ARPP21: variants seen among roughly 807,000 people sequenced by gnomAD.
ARPP21 encodes cAMP-regulated phosphoprotein 21.
Under a neutral mutation model 113.2 loss-of-function variants are expected in ARPP21, and 69 were observed. The observed-to-expected ratio is 0.61, with a 90% confidence interval of 0.50 to 0.74. The LOEUF is 0.74. Ranked by LOEUF, ARPP21 falls within the 30% of genes least tolerant of loss-of-function variation. ARPP21 has a pLI of 0.00. For missense variants in ARPP21, 1,070 were observed against 1,037.4 expected (o/e 1.03, Z -0.43); for synonymous variants, 368 against 375.5 (o/e 0.98, Z 0.23).
At chr3:35,765,347 T>A (rs960130179) in intron 19 of ARPP21, among the ~76,000 whole-genome samples, 2 of 152,114 alleles carry the variant, frequency 1.3e-5, no homozygotes, top group Non-Finnish European at 2.9e-5. Context: ...ATGTCTGAGA[T>A]TGATTCTGAG....
rs1419992077 is a variant in ARPP21 at position 35,655,132 on chromosome 3, G to A, written c.-213+14734G>A. 5.9e-5 allele frequency among the ~76,000 whole-genome samples: 9 copies of A among 151,760 alleles called. No homozygotes were observed. The South Asian group carries it at 8.3e-4, about 14-fold the overall frequency. On this transcript the variant is annotated intron_variant, in intron 1 of 20. Transcript: ENST00000684406. ...CATATGCATTAGCTAGGTTTACTCC[G>A]GTAAGTTTTAACCCATGACAAGGAA... is the stretch of plus-strand genomic sequence containing the variant.
At chr3:35,761,607 A>G (rs1200922148) in intron 19 of ARPP21, among the ~76,000 whole-genome samples, 3 of 152,126 alleles carry the variant, frequency 2.0e-5, no homozygotes, top group Non-Finnish European at 2.9e-5. Flanking sequence ...TTTAAAGGGC[A>G]TATTTCAATA....
chr3:35,782,819 C>T (rs147262767), intron 19 of ARPP21, among the ~76,000 whole-genome samples: 7 of 152,244 alleles, frequency 4.6e-5, no homozygotes, highest in African/African-American at 1.7e-4. Context: ...CCCATCAACC[C>T]TATGCCTCCC....
At position 35,649,857 on chromosome 3, in the gene ARPP21, G is replaced by A. The variant is rs76176962; in HGVS notation, c.-213+9459G>A. ...CTGGACCATTGAGAACTGAATTCAC[G>A]TTTTACCCGATCTATAAAAATAATC... On this transcript the variant is annotated intron_variant, in intron 1 of 20. Transcript: ENST00000684406. 3.8e-3 allele frequency among the ~76,000 whole-genome samples: 572 copies of A among 152,164 alleles called. 6 individuals carry two copies. Among genetic ancestry groups the A allele is most frequent in the African/African-American group, 0.012 (516 of 41,522 alleles).
intron 19 of ARPP21, among the ~76,000 whole-genome samples, chr3:35,783,483 C>T (rs1385782060): frequency 2.6e-5 from 4 of 152,078 alleles, no homozygotes; most frequent in Non-Finnish European, 5.9e-5. Context: ...TGACAGTTCA[C>T]ATCCTACATC....
chr3:35,770,214 T>G (rs1474262571), intron 19 of ARPP21, among the ~76,000 whole-genome samples: 2 of 152,356 alleles, frequency 1.3e-5, no homozygotes, highest in South Asian at 4.1e-4. Context: ...CTAAATTATC[T>G]TATAGAAAGA....
At chr3:35,720,827 T>C (rs929570386) in intron 13 of ARPP21, among the ~76,000 whole-genome samples, 2 of 152,246 alleles carry the variant, frequency 1.3e-5, no homozygotes, top group Non-Finnish European at 2.9e-5. Flanking sequence ...TTACTCTTTT[T>C]TCTATTTGAA....
At chr3:35,771,248 A>T (rs2096188767) in intron 19 of ARPP21, among the ~76,000 whole-genome samples, 1 of 152,018 alleles carries the variant, frequency 6.6e-6, no homozygotes, top group African/African-American at 2.4e-5. Context: ...ATTGGTGACC[A>T]TTGCCTCAGA....
At chr3:35,718,166 G>A (rs913135779) in intron 13 of ARPP21, among the ~76,000 whole-genome samples, 1 of 152,150 alleles carries the variant, frequency 6.6e-6, no homozygotes, top group African/African-American at 2.4e-5. Flanking sequence ...TGAATTGAAT[G>A]TTGAGAAAGT....
At chr3:35,750,145 G>A (rs535153582) in intron 19 of ARPP21, among the ~76,000 whole-genome samples, 139 of 139,992 alleles carry the variant, frequency 9.9e-4, no homozygotes, top group African/African-American at 3.6e-3. Context: ...GGTTTCTTGA[G>A]ATAAGAAGTT....
At chr3:35,714,154 T>A (rs2091954392) in intron 11 of ARPP21, among the ~76,000 whole-genome samples, 1 of 152,242 alleles carries the variant, frequency 6.6e-6, no homozygotes, top group South Asian at 2.1e-4. Context: ...ATTGTCTCTC[T>A]TTGCTTTTTC....
chr3:35,695,549 G>T (rs1397085158), intron 9 of ARPP21, among the ~76,000 whole-genome samples: 2 of 151,502 alleles, frequency 1.3e-5, no homozygotes, highest in Non-Finnish European at 1.5e-5. Flanking sequence ...CGTAACAAAT[G>T]TCTGGACAAT....
chr3:35,741,884 C>T (rs985185144), intron 18 of ARPP21, among the ~76,000 whole-genome samples: 1 of 152,094 alleles, frequency 6.6e-6, no homozygotes, highest in Non-Finnish European at 1.5e-5. Flanking sequence ...TTGCTTCATC[C>T]GGTTGGGGAT....
chr3:35,695,435 C>T (rs115716780), intron 9 of ARPP21, among the ~76,000 whole-genome samples: 33 of 151,648 alleles, frequency 2.2e-4, no homozygotes, highest in Non-Finnish European at 4.6e-4. Flanking sequence ...TTCATGTCCT[C>T]AAACGTTTTA....
intron 19 of ARPP21, among the ~76,000 whole-genome samples, chr3:35,744,259 A>G (rs560021857): frequency 1.3e-5 from 2 of 152,306 alleles, no homozygotes; most frequent in Admixed American, 1.3e-4. Context: ...TTTCTAGTTC[A>G]TACCTTCTTT....
intron 2 of ARPP21, 123 bp from the exon 3 acceptor site, chr3:35,681,586 TCCCCC>T: frequency 1.7e-6 from 1 of 581,128 alleles, no homozygotes; most frequent in Non-Finnish European, 3.0e-6. Flanking sequence ...TCTTGTTTTT[TCCCCC>T]TTTTGTATAA....
intron 19 of ARPP21, among the ~76,000 whole-genome samples, chr3:35,785,421 C>T (rs1246641584): frequency 6.6e-6 from 1 of 152,142 alleles, no homozygotes; most frequent in African/African-American, 2.4e-5. Flanking sequence ...GAATTCAATG[C>T]TGGCTTCCCT....
intron 1 of ARPP21, among the ~76,000 whole-genome samples, chr3:35,672,635 T>C (rs2076609241): frequency 6.6e-6 from 1 of 152,030 alleles, no homozygotes; most frequent in Non-Finnish European, 1.5e-5. Flanking sequence ...AATATAGAGA[T>C]ACACAAAATA....
chr3:35,682,737 C>T (rs1017239545), intron 3 of ARPP21, 111 bp from the exon 4 acceptor site: 1 of 905,618 alleles, frequency 1.1e-6, no homozygotes, highest in East Asian at 2.7e-5. Context: ...TCTACTGTAG[C>T]CGGTAGTGAC....
Sources: gnomAD v4.1 joint callset for allele counts (sites outside exome capture counted in the v4.1 genomes callset) on GRCh38, gnomAD v4.1.1 for gene constraint, MANE v1.5 for transcripts, NCBI Gene and HGNC (gene_info 2026-07-23, HGNC 2026-07-21) for gene names.